The following PXDNL variants were observed in gnomAD, a reference collection of about 807,000 sequenced individuals.
PXDNL encodes the protein probable oxidoreductase PXDNL.
A neutral mutation model predicts 150.8 loss-of-function variants in PXDNL; 145 were observed. The ratio of observed to expected loss-of-function variants is 0.96; its 90% CI spans 0.84 to 1.10. The LOEUF (loss-of-function observed/expected upper bound fraction) is 1.10. PXDNL is among the 50% of genes least tolerant of loss of function. PXDNL has a pLI of 0.00. For missense variants in PXDNL, 2,087 were observed against 1,873.9 expected, an observed-to-expected ratio of 1.11 and a Z score of -2.10; for synonymous variants, 757 against 725.7, an observed-to-expected ratio of 1.04 and a Z score of -0.69.
chr8:51,740,151 C>T (rs2036888754), intron 1 of PXDNL, among the ~76,000 whole-genome samples: 1 of 152,074 alleles, frequency 6.6e-6, no homozygotes, highest in Non-Finnish European at 1.5e-5. Flanking sequence ...TAATGCAATT[C>T]CTATCAAAAT....
chr8:51,445,874 T>C (rs1290740840), intron 12 of PXDNL, among the ~76,000 whole-genome samples: 2 of 152,176 alleles, frequency 1.3e-5, no homozygotes, highest in Admixed American at 6.5e-5. Context: ...GGGCACGTCA[T>C]AGCCTGACAC....
intron 4 of PXDNL, among the ~76,000 whole-genome samples, chr8:51,534,018 G>A (rs1252637611): frequency 7.0e-6 from 1 of 142,544 alleles, no homozygotes; most frequent in African/African-American, 3.0e-5. Context: ...CTGCCCGGCC[G>A]CCATCCCATC....
intron 17 of PXDNL, among the ~76,000 whole-genome samples, chr8:51,392,080 T>A (rs184425591): frequency 5.9e-5 from 9 of 152,326 alleles, no homozygotes; most frequent in Admixed American, 3.9e-4. Context: ...AGGGCTCTGT[T>A]CTGTTCCATT....
At chr8:51,778,026 T>A (rs2037370983) in intron 1 of PXDNL, among the ~76,000 whole-genome samples, 1 of 152,078 alleles carries the variant, frequency 6.6e-6, no homozygotes, top group South Asian at 2.1e-4. Context: ...GCTCACAAGC[T>A]CAAGACCTGA....
intron 4 of PXDNL, among the ~76,000 whole-genome samples, chr8:51,522,060 A>G (rs1483753217): frequency 6.6e-6 from 1 of 152,232 alleles, no homozygotes; most frequent in Non-Finnish European, 1.5e-5. Context: ...CAAGGAATGA[A>G]CATCATACAA....
At chr8:51,672,749 C>T (rs1815527215) in intron 1 of PXDNL, among the ~76,000 whole-genome samples, 1 of 152,058 alleles carries the variant, frequency 6.6e-6, no homozygotes, top group Non-Finnish European at 1.5e-5. Context: ...AAGGACTACA[C>T]ACTAGGTATT....
intron 1 of PXDNL, among the ~76,000 whole-genome samples, chr8:51,702,579 C>T (rs1445844050): frequency 1.3e-5 from 2 of 152,130 alleles, no homozygotes; most frequent in Non-Finnish European, 2.9e-5. Flanking sequence ...GTGTGAATTT[C>T]GATCCTGCTT....
chr8:51,359,792 G>GA (rs905591613), intron 19 of PXDNL, among the ~76,000 whole-genome samples: 2 of 151,652 alleles, frequency 1.3e-5, no homozygotes, highest in Non-Finnish European at 2.9e-5. Flanking sequence ...TTAAGCAGGG[G>GA]AAAAAAAATC....
At chr8:51,645,475 G>A (rs973882595) in intron 2 of PXDNL, among the ~76,000 whole-genome samples, 1 of 152,176 alleles carries the variant, frequency 6.6e-6, no homozygotes. Context: ...ACGGCTGCTT[G>A]AGGAGCTGGT....
In PXDNL at chr8:51,332,169, A is replaced by G. The variant is rs531255579; in HGVS notation, c.4146+7455T>C. Among the ~76,000 whole-genome samples, 222 of 152,256 alleles carry G rather than the reference A, an allele frequency of 1.5e-3. 1 individual carries two copies. Among genetic ancestry groups the G allele is most frequent in the African/African-American group, 5.1e-3 (213 of 41,558 alleles). On this transcript the variant is annotated intron_variant, in intron 21 of 22. Coordinates refer to ENST00000356297, the MANE Select transcript of PXDNL (RefSeq NM_144651.5). ...TATCACAGATTTCTGTGCAGAAACCACCAGGACCAGCCAGGAGCTGTGTAG... is the reference window on the plus strand; with the variant it reads ...TATCACAGATTTCTGTGCAGAAACCGCCAGGACCAGCCAGGAGCTGTGTAG...
At chr8:51,784,500 T>G (rs2129251274) in intron 1 of PXDNL, among the ~76,000 whole-genome samples, 1 of 152,338 alleles carries the variant, frequency 6.6e-6, no homozygotes, top group South Asian at 2.1e-4. Flanking sequence ...CATAGGGCCT[T>G]TAGACAGTTC....
At chr8:51,491,126 T>A (rs1427742462) in intron 5 of PXDNL, among the ~76,000 whole-genome samples, 1 of 152,202 alleles carries the variant, frequency 6.6e-6, no homozygotes, top group Non-Finnish European at 1.5e-5. Context: ...TGCATTCTTC[T>A]TGCCCTCAAA....
At chr8:51,526,423 A>G (rs1178369243) in intron 4 of PXDNL, among the ~76,000 whole-genome samples, 1 of 152,104 alleles carries the variant, frequency 6.6e-6, no homozygotes, top group Non-Finnish European at 1.5e-5. Flanking sequence ...TATGAAGCCA[A>G]TAGTGTCTAA....
At chr8:51,330,443 A>G (rs1423623853) in intron 21 of PXDNL, among the ~76,000 whole-genome samples, 1 of 152,200 alleles carries the variant, frequency 6.6e-6, no homozygotes, top group Non-Finnish European at 1.5e-5. Context: ...TGAATTTTCG[A>G]CAGGCTGTTT....
chr8:51,412,202 T>G (rs1208979000), intron 15 of PXDNL, among the ~76,000 whole-genome samples: 1 of 152,226 alleles, frequency 6.6e-6, no homozygotes, highest in Non-Finnish European at 1.5e-5. Context: ...CTCTATGTCT[T>G]GAATCTTAAC....
chr8:51,746,691 G>A (rs938513958), intron 1 of PXDNL, among the ~76,000 whole-genome samples: 1 of 152,106 alleles, frequency 6.6e-6, no homozygotes, highest in Non-Finnish European at 1.5e-5. Flanking sequence ...ATGTCTATTT[G>A]TTGCTTCTTG....
chr8:51,516,282 T>C (rs771783513), intron 4 of PXDNL, among the ~76,000 whole-genome samples: 10 of 152,178 alleles, frequency 6.6e-5, no homozygotes, highest in Non-Finnish European at 1.3e-4. Context: ...AGAGCCCTGA[T>C]TGTGAAAATA....
intron 5 of PXDNL, among the ~76,000 whole-genome samples, chr8:51,493,183 G>C (rs933378221): frequency 6.6e-6 from 1 of 152,162 alleles, no homozygotes; most frequent in Admixed American, 6.5e-5. Flanking sequence ...ATCTGGAGTG[G>C]ACCTCCAGCA....
At chr8:51,402,938 A>C (rs867405285) in intron 17 of PXDNL, among the ~76,000 whole-genome samples, 83 of 137,398 alleles carry the variant, frequency 6.0e-4, no homozygotes, top group African/African-American at 2.0e-3. Flanking sequence ...CACACACACA[A>C]AATTAGCCGG....
Sources: gnomAD v4.1 joint callset for allele counts (sites outside exome capture counted in the v4.1 genomes callset) on GRCh38, gnomAD v4.1.1 for gene constraint, MANE v1.5 for transcripts, NCBI Gene and HGNC (gene_info 2026-07-23, HGNC 2026-07-21) for gene names.